Variants in LVRN observed in about 807,000 individuals in gnomAD.
LVRN encodes the protein aminopeptidase Q.
Under a neutral mutation model 111.4 loss-of-function variants are expected in LVRN, and 99 were observed. The observed-to-expected ratio is 0.89, with a 90% CI of 0.76 to 1.05. LVRN has a LOEUF of 1.05. LVRN is among the 50% of genes least tolerant of loss of function. LVRN has a pLI of 0.00. For synonymous variants in LVRN, 488 were observed against 449.5 expected, an observed-to-expected ratio of 1.09 and a Z score of -1.08; for missense variants, 1,414 against 1,206.8, an observed-to-expected ratio of 1.17 and a Z score of -2.54.
chr5:115,968,168 C>T (rs1753241850), intron 1 of LVRN, among the ~76,000 whole-genome samples: 2 of 152,228 alleles, frequency 1.3e-5, no homozygotes, highest in Admixed American at 6.5e-5. Flanking sequence ...TTTTTCTCCT[C>T]ATCTTAGTGG....
intron 14 of LVRN, 65 bp downstream of exon 14, chr5:116,010,959 C>A: frequency 8.1e-7 from 1 of 1,232,870 alleles, no homozygotes; most frequent in Non-Finnish European, 1.1e-6. Flanking sequence ...ATATTTTAGC[C>A]AGCATCTGTG....
intron 4 of LVRN, 149 bp downstream of exon 4, chr5:115,988,088 C>T (rs1747909998): frequency 9.6e-7 from 1 of 1,036,870 alleles, no homozygotes; most frequent in South Asian, 1.7e-5. Flanking sequence ...ATGCCTTATA[C>T]CTTCTGAAAC....
intron 1 of LVRN, among the ~76,000 whole-genome samples, chr5:115,981,035 C>T (rs1407637042): frequency 6.6e-6 from 1 of 152,156 alleles, no homozygotes; most frequent in Non-Finnish European, 1.5e-5. Flanking sequence ...AGTTACACAA[C>T]AGTCTTTACA....
At position 115,962,526 on chromosome 5, in the gene LVRN, G is replaced by A. The variant is rs1421372206; in HGVS notation, c.-92G>A. The A allele has an allele frequency of 8.8e-7, 1 of 1,137,950 alleles. No homozygotes were observed. The highest frequency in any genetic ancestry group is 1.3e-6 in the Non-Finnish European group (1 of 786,916). The allele number at this position is 1,137,950 out of a possible 1,614,324, so 70.5% of individuals were successfully genotyped here. On this transcript the variant is annotated 5_prime_UTR_variant, in exon 1 of 20. Transcript: ENST00000357872. ...AGAGGCACGATACAAGAGAGGAGGG[G>A]CAGGGGTCGCAGCACTGAACACCCT...
chr5:115,969,287 A>G (rs71581219), intron 1 of LVRN, among the ~76,000 whole-genome samples: 34,558 of 151,648 alleles, frequency 0.23, 4,775 homozygotes, highest in Non-Finnish European at 0.31. Flanking sequence ...CCTGTTTTGT[A>G]CTTTTTTTCT....
At chr5:115,970,596 G>A (rs2115040) in intron 1 of LVRN, among the ~76,000 whole-genome samples, 121,771 of 151,880 alleles carry the variant, frequency 0.8, 49,077 homozygotes, top group Non-Finnish European at 0.84. Flanking sequence ...CATGTTGGCC[G>A]AGATGGCCTC....
intron 1 of LVRN, among the ~76,000 whole-genome samples, chr5:115,976,920 A>T (rs1263428310): frequency 2.0e-5 from 3 of 152,080 alleles, no homozygotes; most frequent in Non-Finnish European, 4.4e-5. Flanking sequence ...AGTGACTCTA[A>T]AGAAGCCTTT....
intron 6 of LVRN, among the ~76,000 whole-genome samples, chr5:115,997,842 T>A (rs1442031744): frequency 6.6e-6 from 1 of 152,174 alleles, no homozygotes; most frequent in Non-Finnish European, 1.5e-5. Context: ...TGAAACAGGC[T>A]ACAGACAGCA....
intron 18 of LVRN, among the ~76,000 whole-genome samples, chr5:116,018,270 C>T (rs1412851837): frequency 7.9e-5 from 12 of 152,166 alleles, no homozygotes; most frequent in Non-Finnish European, 1.5e-5. Flanking sequence ...GGCTCTGATT[C>T]CCGGTTCTCT....
chr5:115,993,985 T>A, intron 6 of LVRN, 131 bp downstream of exon 6: 1 of 509,336 alleles, frequency 2.0e-6, no homozygotes, highest in African/African-American at 2.0e-5. Context: ...CCAAAAATAA[T>A]TTGTGTTAGC....
intron 1 of LVRN, among the ~76,000 whole-genome samples, chr5:115,973,441 C>G (rs986407519): frequency 6.6e-6 from 1 of 152,120 alleles, no homozygotes; most frequent in Non-Finnish European, 1.5e-5. Flanking sequence ...GAAGTATTCC[C>G]TTTTCCTTGA....
intron 19 of LVRN, 104 bp downstream of exon 19, chr5:116,022,570 A>G: frequency 3.8e-6 from 3 of 783,716 alleles, no homozygotes; most frequent in South Asian, 3.1e-5. Flanking sequence ...CTGAATTATT[A>G]CATTCTATGC....
rs1426550041 is a variant in LVRN at position 115,963,301 on chromosome 5, G to C, written c.684G>C (p.Gln228His). ...TCTTCCTCAACGTCTACACCGACCAGGGCGAGCGCAGGTAAGGGCTGTACA... is the reference window on the plus strand; with the variant it reads ...TCTTCCTCAACGTCTACACCGACCACGGCGAGCGCAGGTAAGGGCTGTACA... ...EGLFLNVYTD[Q>H]GERRALLASQ... The change falls in exon 1 of 20, where the codon CAG (glutamine) becomes CAC (histidine). Residue 228 changes from glutamine (Q) to histidine (H), a missense_variant. Coordinates refer to ENST00000357872, the MANE Select transcript of LVRN (RefSeq NM_173800.5). 1 of 1,608,786 alleles carries C rather than the reference G, an allele frequency of 6.2e-7. No individual in the cohort carries two copies. Among genetic ancestry groups the C allele is most frequent in the Non-Finnish European group, 8.5e-7 (1 of 1,177,916 alleles).
At chr5:115,992,310 G>A (rs764631832) in intron 5 of LVRN, 33 bp downstream of exon 5, 1 of 1,612,116 alleles carries the variant, frequency 6.2e-7, no homozygotes, top group Non-Finnish European at 8.5e-7. Context: ...TATTTCACTT[G>A]AAGTTATTCT....
intron 3 of LVRN, among the ~76,000 whole-genome samples, chr5:115,985,789 G>A (rs1198789114): frequency 1.3e-5 from 2 of 152,196 alleles, no homozygotes; most frequent in African/African-American, 4.8e-5. Flanking sequence ...TGGAGGTCGT[G>A]CTGGCAGTGC....
intron 12 of LVRN, among the ~76,000 whole-genome samples, chr5:116,004,626 A>C (rs113677737): frequency 1.2e-4 from 18 of 151,958 alleles, no homozygotes; most frequent in Admixed American, 5.2e-4. Flanking sequence ...GGGAAAAAAA[A>C]CCCCCAAAAA....
intron 15 of LVRN, among the ~76,000 whole-genome samples, chr5:116,013,779 A>G (rs1050382934): frequency 6.6e-6 from 1 of 152,114 alleles, no homozygotes; most frequent in Admixed American, 6.5e-5. Context: ...ACAAGGCATC[A>G]CTTACCTGGA....
intron 18 of LVRN, among the ~76,000 whole-genome samples, chr5:116,018,696 A>G (rs959069570): frequency 1.3e-5 from 2 of 152,080 alleles, no homozygotes; most frequent in Admixed American, 6.5e-5. Flanking sequence ...AAGATATGCT[A>G]TATCTTTTAA....
intron 3 of LVRN, 54 bp from the exon 4 acceptor site, chr5:115,987,759 C>T: frequency 6.4e-7 from 1 of 1,573,304 alleles, no homozygotes; most frequent in Admixed American, 1.8e-5. Context: ...CAGACTACCT[C>T]TTTCCAAAAT....
Sources: allele counts gnomAD v4.1 joint callset (sites outside exome capture counted in the v4.1 genomes callset), GRCh38; gene constraint gnomAD v4.1.1; transcripts MANE v1.5; gene names NCBI Gene and HGNC (gene_info 2026-07-23, HGNC 2026-07-21).